The following CBLC variants were observed in gnomAD, a reference collection of about 807,000 sequenced individuals.
The protein encoded by CBLC is E3 ubiquitin-protein ligase CBL-C.
In CBLC, 46 loss-of-function variants were observed where a neutral mutation model predicts 58.6. That is an observed-to-expected ratio of 0.79 (90% CI 0.62 to 1.00). The LOEUF is 1.00. Ranked by LOEUF, CBLC falls within the 50% of genes least tolerant of loss-of-function variation. The pLI is 0.00. For synonymous variants in CBLC, 271 were observed against 264.2 expected (o/e 1.03, Z -0.25); for missense variants, 655 against 625.8 (o/e 1.05, Z -0.50).
At chr19:44,796,763 T>C (rs1451995017) in intron 9 of CBLC, among the ~76,000 whole-genome samples, 1 of 152,130 alleles carries the variant, frequency 6.6e-6, no homozygotes, top group South Asian at 2.1e-4. Context: ...GACCCTGGAT[T>C]GCTGGGGAGA....
At position 44,791,880 on chromosome 19, in the gene CBLC, G is replaced by T. The variant is rs147360159; in HGVS notation, c.1006-503G>T. 7.0e-3 allele frequency among the ~76,000 whole-genome samples: 1,062 copies of T among 152,018 alleles called. 7 individuals are homozygous for T. The highest frequency in any genetic ancestry group is 0.023 in the African/African-American group (963 of 41,466). On this transcript the variant is annotated intron_variant, in intron 6 of 10. Transcript: ENST00000647358. Reference sequence around the variant, plus strand: ...GACGGGGTCTTACTATGCTGCCCACGCTGGTCCAGAACTCCTGGGCTCAAG... The same window carrying T: ...GACGGGGTCTTACTATGCTGCCCACTCTGGTCCAGAACTCCTGGGCTCAAG...
At position 44,778,354 on chromosome 19, in the gene CBLC, C is replaced by T. The variant is rs552431001; in HGVS notation, c.353+70C>T. 2.7e-5 allele frequency: 36 copies of T among 1,341,754 alleles called. No homozygotes were observed. In the Admixed American group the frequency reaches 4.5e-4, roughly 17 times the overall value. 83.1% of individuals were successfully genotyped at this position (1,341,754 alleles called of 1,614,324 possible). A position where few individuals can be genotyped will look rare whatever the true frequency, so the allele number is the denominator to read the frequency against. ...GTCTTGCTCCCAGCCCCTCCTCCCC[C>T]AGACCCAGGAACTTAGGCCCCCACC... On this transcript the variant is annotated intron_variant, in intron 1 of 10. Coordinates refer to ENST00000647358, the MANE Select transcript of CBLC (RefSeq NM_012116.4).
chr19:44,779,553 CT>C (rs774514447), intron 1 of CBLC, among the ~76,000 whole-genome samples: 415 of 137,078 alleles, frequency 3.0e-3, no homozygotes, highest in Admixed American at 3.0e-3. Context: ...TGTAGTGTCT[CT>C]TTTTTTTTTT....
chr19:44,783,966 A>G (rs971200981), intron 4 of CBLC, among the ~76,000 whole-genome samples: 7 of 152,344 alleles, frequency 4.6e-5, no homozygotes, highest in African/African-American at 1.7e-4. Context: ...CACTGTGGTC[A>G]GGGGTCCTGA....
chr19:44,790,060 C>G lies in CBLC; in HGVS notation c.974C>G (p.Ala325Gly), dbSNP rs745945780. ...HNPDLTELGQ[A>G]EPQQRIHVSE... ...CCAGACCTGACTGAGCTCGGCCAGG[C>G]AGAACCCCAGCAGCGCATCCACGTG... The change falls in exon 6 of 11, where the codon GCA (alanine) becomes GGA (glycine). Residue 325 changes from alanine to glycine, a missense_variant. Physicochemically the swap from Ala to Gly is moderately conservative, Grantham distance 60. This residue lies in a region of CBLC where 371 missense variants were observed against 370.8 expected (regional missense o/e 1.00). Coordinates refer to ENST00000647358, the MANE Select transcript of CBLC (RefSeq NM_012116.4). 39 of 1,613,976 alleles carry G rather than the reference C, an allele frequency of 2.4e-5. No individual in the cohort carries two copies. Among genetic ancestry groups the G allele is most frequent in the Non-Finnish European group, 3.3e-5 (39 of 1,179,950 alleles).
chr19:44,780,582 C>T (rs2927450), intron 1 of CBLC, among the ~76,000 whole-genome samples: 2 of 149,904 alleles, frequency 1.3e-5, no homozygotes, highest in Non-Finnish European at 3.0e-5. Context: ...CAGCGATTCT[C>T]CTGCCTCAGC....
In CBLC at chr19:44,780,946, A is replaced by T. The variant is rs140833100; in HGVS notation, c.395A>T (p.His132Leu). Reference sequence around the variant, plus strand: ...CTGGCCATCATCTTCAGCCACATGCACGCAGAGCTGCACGCACTCTTCCCC... The same window carrying T: ...CTGGCCATCATCTTCAGCCACATGCTCGCAGAGCTGCACGCACTCTTCCCC... ...AKLAIIFSHM[H>L]AELHALFPGG... The change falls in exon 2 of 11, where the codon CAC becomes CTC. Residue 132 changes from histidine (H) to leucine (L), a missense_variant. Around this residue, in one of 3 missense-constraint regions of CBLC, gnomAD observed 280 missense variants for 237.2 expected, o/e 1.18. Transcript: ENST00000647358. 10 of 1,613,284 alleles carry T rather than the reference A, an allele frequency of 6.2e-6. 1 individual carries two copies. In the African/African-American group the frequency reaches 1.1e-4, roughly 17 times the overall value.
intron 9 of CBLC, among the ~76,000 whole-genome samples, chr19:44,798,044 C>G (rs1400034490): frequency 2.6e-5 from 4 of 152,090 alleles, no homozygotes; most frequent in Non-Finnish European, 5.9e-5. Context: ...CTGCACGCTG[C>G]TGTTCTCCAT....
At chr19:44,784,633 G>T (rs114309179) in intron 5 of CBLC, among the ~76,000 whole-genome samples, 1 of 152,174 alleles carries the variant, frequency 6.6e-6, no homozygotes, top group East Asian at 1.9e-4. Context: ...CCACAGCTCC[G>T]AGGAGAAGTG....
Position 44,782,417 on chromosome 19 carries a change from C to T in CBLC, c.705C>T (p.His235=). ...LKNWQLLAVN[H]PGYMAFLTYD... ...ACTGGCAGCTCCTGGCAGTCAACCA[C>T]CCAGGCTACATGGCCTTCCTCACCT... The change falls in exon 4 of 11, where the codon CAC becomes CAT. Residue 235 remains histidine, a synonymous_variant. Coordinates refer to ENST00000647358, the MANE Select transcript of CBLC (RefSeq NM_012116.4). The T allele has an allele frequency of 6.2e-7, 1 of 1,613,818 alleles. No individual in the cohort carries two copies. The highest frequency in any genetic ancestry group is 1.1e-5 in the South Asian group (1 of 91,078).
At chr19:44,796,840 C>T (rs1968188310) in intron 9 of CBLC, among the ~76,000 whole-genome samples, 1 of 149,872 alleles carries the variant, frequency 6.7e-6, no homozygotes, top group African/African-American at 2.4e-5. Context: ...TGTCTTCAAA[C>T]AAACAGCTCA....
chr19:44,780,925 C>T lies in CBLC; in HGVS notation c.374C>T (p.Ala125Val). ...CACAGGCGACAGCTGGCCAAGCTGGCCATCATCTTCAGCCACATGCACGCA... is the reference window on the plus strand; with the variant it reads ...CACAGGCGACAGCTGGCCAAGCTGGTCATCATCTTCAGCCACATGCACGCA... ...SRLRRQLAKL[A>V]IIFSHMHAEL... Residue 125 changes from alanine to valine, a missense_variant, in exon 2 of 11, where the codon GCC becomes GTC. Ala to Val is a moderately conservative substitution (Grantham distance 64, BLOSUM62 0). This residue lies in a region of CBLC where 280 missense variants were observed against 237.2 expected (regional missense o/e 1.18). Transcript: ENST00000647358. 6.2e-7 allele frequency: 1 copy of T among 1,612,860 alleles called. No homozygotes were observed. Among genetic ancestry groups the T allele is most frequent in the Non-Finnish European group, 8.5e-7 (1 of 1,179,974 alleles).
At chr19:44,789,927 G>C (rs1444229065) in intron 5 of CBLC, 77 bp from the exon 6 acceptor site, 8 of 933,476 alleles carry the variant, frequency 8.6e-6, no homozygotes, top group Non-Finnish European at 1.8e-6. Flanking sequence ...GGCCCTGTAG[G>C]GGGTAAAGGT....
At chr19:44,793,233 T>C (rs1000848555) in intron 7 of CBLC, among the ~76,000 whole-genome samples, 2 of 152,116 alleles carry the variant, frequency 1.3e-5, no homozygotes, top group African/African-American at 4.8e-5. Context: ...CACAGCTCCA[T>C]GGGGATCCCT....
At chr19:44,799,860 A>G (rs1305619684) in intron 9 of CBLC, among the ~76,000 whole-genome samples, 1 of 151,722 alleles carries the variant, frequency 6.6e-6, no homozygotes, top group Non-Finnish European at 1.5e-5. Flanking sequence ...AAAGAAAAAG[A>G]AGAAAAAAGA....
intron 5 of CBLC, 31 bp downstream of exon 5, chr19:44,784,432 T>A: frequency 3.2e-6 from 5 of 1,539,298 alleles, no homozygotes; most frequent in Non-Finnish European, 4.4e-6. Context: ...GAGGAGGGTG[T>A]CAGCAAAATC....
intron 5 of CBLC, among the ~76,000 whole-genome samples, chr19:44,789,363 C>T (rs1402766729): frequency 3.3e-5 from 5 of 151,642 alleles, no homozygotes; most frequent in African/African-American, 7.3e-5. Flanking sequence ...TATGCTTGGG[C>T]GTGGAGAAGG....
At chr19:44,781,185 C>T (rs1967718860) in intron 2 of CBLC, 22 bp from the exon 3 acceptor site, 2 of 1,599,950 alleles carry the variant, frequency 1.3e-6, no homozygotes, top group Admixed American at 1.7e-5. Flanking sequence ...AGCGGTGTCT[C>T]CCCCACCCCT....
intron 5 of CBLC, among the ~76,000 whole-genome samples, chr19:44,786,184 T>G (rs1967901143): frequency 1.3e-5 from 2 of 151,896 alleles, no homozygotes; most frequent in Admixed American, 1.3e-4. Context: ...AAATACATTC[T>G]TGGGTCCTGA....
Sources: gnomAD v4.1 joint callset for allele counts (sites outside exome capture counted in the v4.1 genomes callset) on GRCh38, gnomAD v4.1.1 for gene constraint, gnomAD v4.1.1 regional missense constraint, MANE v1.5 for transcripts, NCBI Gene and HGNC (gene_info 2026-07-23, HGNC 2026-07-21) for gene names.